The following KALRN variants were observed in gnomAD, a reference collection of about 807,000 sequenced individuals.
KALRN encodes the protein kalirin RhoGEF kinase, also known as kalirin.
In KALRN, 70 loss-of-function variants were observed where a neutral mutation model predicts 353.7. The observed-to-expected ratio is 0.20, with a 90% CI of 0.16 to 0.24. The LOEUF (loss-of-function observed/expected upper bound fraction) is 0.24, where lower values mean the gene tolerates loss of function less well. Ranked by LOEUF, KALRN falls within the 10% of genes least tolerant of loss-of-function variation. KALRN has a pLI of 1.00. For missense variants in KALRN, 2,791 were observed against 3,756.7 expected, an observed-to-expected ratio of 0.74 and a Z score of 6.72; for synonymous variants, 1,391 against 1,434.8, an observed-to-expected ratio of 0.97 and a Z score of 0.69.
rs547896038 is a variant in KALRN at position 124,250,082 on chromosome 3, C to T, written c.264-14416C>T. Among the ~76,000 whole-genome samples, 172 of 151,928 alleles carry T rather than the reference C, an allele frequency of 1.1e-3. 1 individual carries two copies. Among genetic ancestry groups the T allele is most frequent in the Non-Finnish European group, 2.3e-3 (154 of 67,984 alleles). ...GCCTGGGGGGGGTGGCTTTGTGTGG[C>T]GTGTTGCATTGTGTGTTGGTGGGGA... On this transcript the variant is annotated intron_variant, in intron 3 of 59. Transcript: ENST00000682506.
chr3:124,244,162 G>GT (rs1195226351), intron 3 of KALRN, among the ~76,000 whole-genome samples: 2 of 152,116 alleles, frequency 1.3e-5, no homozygotes, highest in Non-Finnish European at 2.9e-5. Context: ...TATTTTAAGA[G>GT]TTTTTTAAAG....
At chr3:124,581,298 C>G (rs1480532066) in intron 34 of KALRN, among the ~76,000 whole-genome samples, 1 of 151,106 alleles carries the variant, frequency 6.6e-6, no homozygotes, top group Non-Finnish European at 1.5e-5. Flanking sequence ...GAGGCTGATG[C>G]AGGAGAATTG....
chr3:124,104,790 T>C (rs140583397), intron 1 of KALRN, among the ~76,000 whole-genome samples: 46 of 152,300 alleles, frequency 3.0e-4, no homozygotes, highest in African/African-American at 1.1e-3. Context: ...CCTAGAGGGG[T>C]TGGAGAAGTA....
intron 1 of KALRN, among the ~76,000 whole-genome samples, chr3:124,048,050 G>A (rs1209592164): frequency 6.6e-6 from 1 of 152,010 alleles, no homozygotes; most frequent in Non-Finnish European, 1.5e-5. Context: ...AAATGAAGGG[G>A]GTAGACTTTT....
chr3:124,698,485 T>G (rs2150650226), intron 55 of KALRN, among the ~76,000 whole-genome samples: 1 of 152,348 alleles, frequency 6.6e-6, no homozygotes, highest in South Asian at 2.1e-4. Flanking sequence ...GACATATTTA[T>G]GACCCAGGGC....
intron 10 of KALRN, among the ~76,000 whole-genome samples, chr3:124,379,233 T>TA (rs2086987259): frequency 6.6e-6 from 1 of 152,194 alleles, no homozygotes; most frequent in Non-Finnish European, 1.5e-5. Context: ...AGGGATTTTT[T>TA]AAAAATTTTT....
At chr3:124,129,765 C>A (rs1334207833) in intron 1 of KALRN, among the ~76,000 whole-genome samples, 1 of 152,168 alleles carries the variant, frequency 6.6e-6, no homozygotes, top group African/African-American at 2.4e-5. Flanking sequence ...TTTTCATTCC[C>A]CAGGAAACCT....
At chr3:124,057,063 T>C (rs2041617976) in intron 1 of KALRN, among the ~76,000 whole-genome samples, 1 of 152,220 alleles carries the variant, frequency 6.6e-6, no homozygotes, top group Non-Finnish European at 1.5e-5. Flanking sequence ...GCCAGATCTT[T>C]TTCCTCTCTC....
chr3:124,524,968 C>CT (rs1312946384), intron 33 of KALRN, among the ~76,000 whole-genome samples: 1 of 152,180 alleles, frequency 6.6e-6, no homozygotes, highest in Non-Finnish European at 1.5e-5. Context: ...TCTGACCACT[C>CT]TTTTTTAGAT....
chr3:124,696,068 G>A, intron 53 of KALRN, 66 bp from the exon 54 acceptor site: 1 of 1,579,290 alleles, frequency 6.3e-7, no homozygotes, highest in Non-Finnish European at 8.7e-7. Flanking sequence ...CAACCCTATG[G>A]GATTTTACCC....
chr3:124,683,811 G>T (rs962766643), intron 51 of KALRN, among the ~76,000 whole-genome samples: 1 of 152,208 alleles, frequency 6.6e-6, no homozygotes. Context: ...AGAGGGCTCT[G>T]AAAGATTAGA....
intron 9 of KALRN, among the ~76,000 whole-genome samples, chr3:124,340,781 C>G (rs1276150188): frequency 1.3e-5 from 2 of 152,174 alleles, no homozygotes; most frequent in East Asian, 3.9e-4. Flanking sequence ...ATGGCAAAAC[C>G]CCGTCTCTAC....
intron 55 of KALRN, among the ~76,000 whole-genome samples, chr3:124,699,470 T>C (rs1337261134): frequency 2.0e-5 from 3 of 152,238 alleles, no homozygotes; most frequent in Non-Finnish European, 4.4e-5. Context: ...TACGTAGTGT[T>C]CAATACATGT....
chr3:124,716,179 C>T (rs2063124540), intron 58 of KALRN, among the ~76,000 whole-genome samples: 1 of 152,110 alleles, frequency 6.6e-6, no homozygotes, highest in Non-Finnish European at 1.5e-5. Context: ...ACCATGTTCT[C>T]AATCACAGTT....
chr3:124,242,044 T>C (rs4678098), intron 3 of KALRN, among the ~76,000 whole-genome samples: 10,145 of 152,214 alleles, frequency 0.067, 971 homozygotes, highest in East Asian at 0.46. Flanking sequence ...TCTGTGGGTC[T>C]AGTTCAAGAA....
intron 51 of KALRN, among the ~76,000 whole-genome samples, chr3:124,687,751 G>C (rs1484191419): frequency 6.6e-6 from 1 of 151,720 alleles, no homozygotes; most frequent in Non-Finnish European, 1.5e-5. Flanking sequence ...TACAGACCAA[G>C]TCCTCCAAGC....
chr3:124,343,557 A>C (rs572106809), intron 9 of KALRN, among the ~76,000 whole-genome samples: 1 of 152,182 alleles, frequency 6.6e-6, no homozygotes, highest in African/African-American at 2.4e-5. Context: ...TCTCCCGTTC[A>C]GCACACCAGG....
chr3:124,601,647 T>C (rs2076816842), intron 34 of KALRN, among the ~76,000 whole-genome samples: 1 of 152,238 alleles, frequency 6.6e-6, no homozygotes, highest in African/African-American at 2.4e-5. Context: ...CCTGTATTCA[T>C]GTTCAAAGTT....
Position 124,633,760 on chromosome 3 carries a change from C to T in KALRN, c.5467-92C>T, listed in dbSNP as rs1170443130. The T allele has an allele frequency of 2.9e-6, 3 of 1,040,524 alleles. No homozygotes were observed. In the Admixed American group the frequency reaches 6.3e-5, roughly 22 times the overall value. The allele number at this position is 1,040,524 out of a possible 1,614,324, so 64.5% of individuals were successfully genotyped here. ...TTAAGAGTGAGTTGAGAGAGGAACTCTCCTCCTATGTATTATTTTTGTTAA... is the reference window on the plus strand; with the variant it reads ...TTAAGAGTGAGTTGAGAGAGGAACTTTCCTCCTATGTATTATTTTTGTTAA... On this transcript the variant is annotated intron_variant, in intron 35 of 59. Coordinates refer to ENST00000682506, the MANE Select transcript of KALRN (RefSeq NM_001388419.1).
Sources: allele counts gnomAD v4.1 joint callset (sites outside exome capture counted in the v4.1 genomes callset), GRCh38; gene constraint gnomAD v4.1.1; transcripts MANE v1.5; gene names NCBI Gene and HGNC (gene_info 2026-07-23, HGNC 2026-07-21).